Variants in ITGAM observed in about 807,000 individuals in gnomAD.
ITGAM encodes the protein integrin subunit alpha M.
ITGAM carries 79 observed loss-of-function variants against 137.5 expected under a neutral mutation model. The ratio of observed to expected loss-of-function variants is 0.57; its 90% CI spans 0.48 to 0.69. The LOEUF is 0.69. ITGAM is among the 30% of genes least tolerant of loss of function. ITGAM has a pLI of 0.00. For synonymous variants in ITGAM, 583 were observed against 592.3 expected (o/e 0.98, Z 0.23); for missense variants, 1,343 against 1,483.5 (o/e 0.91, Z 1.56).
At position 31,266,074 on chromosome 16, in the gene ITGAM, T is replaced by A. The variant is rs2079763573; in HGVS notation, c.354T>A (p.Tyr118Ter). 1 of 1,613,784 alleles carries A rather than the reference T, an allele frequency of 6.2e-7. No homozygotes were observed. Among genetic ancestry groups the A allele is most frequent in the African/African-American group, 1.3e-5 (1 of 74,892 alleles). Reference sequence around the variant, plus strand: ...ACCAGACTTGCAGTGAGAACACGTATGTGAAAGGGCTCTGCTTCCTGTTTG... The same window carrying A: ...ACCAGACTTGCAGTGAGAACACGTAAGTGAAAGGGCTCTGCTTCCTGTTTG... ...TVHQTCSENT[Y>*]VKGLCFLFGS... Residue 118 changes from tyrosine to a stop codon, truncating the protein, a stop_gained, in exon 5 of 30, where the codon TAT (tyrosine) becomes TAA (stop). Transcript: ENST00000544665. LOFTEE classifies it high-confidence loss of function.
chr16:31,332,012 C>T lies in ITGAM; in HGVS notation c.*305C>T, dbSNP rs938536857. ...GTGTGTGCAAGTGTGTGCATGTGTGCGAGTGTGTGCATGTGTGTGCTCAGG... is the reference window on the plus strand; with the variant it reads ...GTGTGTGCAAGTGTGTGCATGTGTGTGAGTGTGTGCATGTGTGTGCTCAGG... On this transcript the variant is annotated 3_prime_UTR_variant, in exon 30 of 30. Transcript: ENST00000544665. The T allele has an allele frequency of 1.9e-5, 8 of 413,778 alleles. No homozygotes were observed. The South Asian group carries it at 2.1e-4, about 11-fold the overall frequency. The allele number at this position is 413,778 out of a possible 1,614,324, so 25.6% of individuals were successfully genotyped here. A position where few individuals can be genotyped will look rare whatever the true frequency, so the allele number is the denominator to read the frequency against.
chr16:31,292,096 C>T (rs1164281755), intron 12 of ITGAM, among the ~76,000 whole-genome samples: 1 of 151,598 alleles, frequency 6.6e-6, no homozygotes. Context: ...AGGTAAAAAT[C>T]CTAGAAGTAT....
rs2079682289 is a variant in ITGAM, at chr16:31,260,103, G to A, written c.28+11G>A. ...TCCTTCTGTTAACAGGTGCATGGGG[G>A]TGGGGTGGGGGACTCTGGGTGGGGA... On this transcript the variant is annotated intron_variant, in intron 1 of 29. Coordinates refer to ENST00000544665, the MANE Select transcript of ITGAM (RefSeq NM_000632.4). 3 of 1,551,966 alleles carry A rather than the reference G, an allele frequency of 1.9e-6. No individual in the cohort carries two copies. Among genetic ancestry groups the A allele is most frequent in the Non-Finnish European group, 1.8e-6 (2 of 1,140,672 alleles).
At position 31,325,256 on chromosome 16, in the gene ITGAM, C is replaced by G. The variant is rs1389312969; in HGVS notation, c.2364-7C>G. The G allele has an allele frequency of 6.2e-7, 1 of 1,607,358 alleles. No homozygotes were observed. ...CCATCCCCCGGCCTGTCTTCTTCTT[C>G]CCACAGCCTGGACTGCCTCGTGGTG... On this transcript the variant is annotated splice_region_variant and splice_polypyrimidine_tract_variant and intron_variant, in intron 19 of 29. Coordinates refer to ENST00000544665, the MANE Select transcript of ITGAM (RefSeq NM_000632.4).
At position 31,330,667 on chromosome 16, in the gene ITGAM, T is replaced by TG. The variant is rs1200830933; in HGVS notation, c.3276+67dup. 5 of 1,207,110 alleles carry TG rather than the reference T, an allele frequency of 4.1e-6. No homozygotes were observed. In the East Asian group the frequency reaches 1.3e-4, roughly 30 times the overall value. The allele number at this position is 1,207,110 out of a possible 1,614,324, so 74.8% of individuals were successfully genotyped here. A position where few individuals can be genotyped will look rare whatever the true frequency, so the allele number is the denominator to read the frequency against. On this transcript the variant is annotated intron_variant, in intron 28 of 29. Coordinates refer to ENST00000544665, the MANE Select transcript of ITGAM (RefSeq NM_000632.4). ...GAGGGGCTGCGCTTGTGGAGATTTC[T>TG]GGGGGAGGAGAGAGAGACACAAAGA...
chr16:31,277,976 C>T lies in ITGAM; in HGVS notation c.1223C>T (p.Ala408Val), dbSNP rs1307099218. The T allele has an allele frequency of 1.3e-6, 2 of 1,596,296 alleles. No individual in the cohort carries two copies. The highest frequency in any genetic ancestry group is 1.3e-5 in the African/African-American group (1 of 74,534). The change falls in exon 12 of 30, where the codon GCC (alanine) becomes GTC (valine). Residue 408 changes from alanine to valine, a missense_variant. Ala to Val is a moderately conservative substitution (Grantham distance 64). Coordinates refer to ENST00000544665, the MANE Select transcript of ITGAM (RefSeq NM_000632.4). ...DMNDAYLGYA[A>V]AIILRNRVQS... ...AGACCCCCACCTTCAGGTTATGCTG[C>T]CGCCATCATCTTACGGAACCGGGTG...
chr16:31,289,472 G>A (rs1378316224), intron 12 of ITGAM, among the ~76,000 whole-genome samples: 2 of 152,092 alleles, frequency 1.3e-5, no homozygotes, highest in Non-Finnish European at 2.9e-5. Context: ...GGATGAAGCT[G>A]GAAACCATCA....
At chr16:31,329,073 T>TTCCCCCTCCCCCCCCACCCCCCCCC in intron 23 of ITGAM, 155 bp from the exon 24 acceptor site, 1 of 426,236 alleles carries the variant, frequency 2.3e-6, no homozygotes, top group Non-Finnish European at 4.5e-6. Context: ...ACACATTGGT[T>TTCCCCCTCCCCCCCCACCCCCCCCC]CCCCCATCCC....
chr16:31,269,129 A>G lies in ITGAM; in HGVS notation c.428-1825A>G, dbSNP rs373757151. ...GTGCTGATTGATCAGGGATGAAATC[A>G]TCGGGAGTCGGAGCTGTCTTCTTGC... On this transcript the variant is annotated intron_variant, in intron 5 of 29. Transcript: ENST00000544665. Among the ~76,000 whole-genome samples the G allele has an allele frequency of 1.8e-4, 28 of 152,300 alleles. No homozygotes were observed. In the East Asian group the frequency reaches 5.0e-3, roughly 27 times the overall value.
Position 31,329,806 on chromosome 16 carries a change from CCT to C in ITGAM, c.2878_2879del (p.Leu960GlyfsTer53). On this transcript the variant is annotated frameshift_variant, in exon 25 of 30. Transcript: ENST00000544665. LOFTEE classifies it high-confidence loss of function. ...CGCCCTCCCCGGTGCAGGTCAGCAA[CCT>C]GGGGCAGAGGAGCCTCCCCATCAGC... The part of the protein sequence containing the change: ...VMQHQYQVSN[L>X]GQRSLPISLV... 3 of 1,555,020 alleles carry C rather than the reference CCT, an allele frequency of 1.9e-6. No homozygotes were observed. The highest frequency in any genetic ancestry group is 1.7e-6 in the Non-Finnish European group (2 of 1,149,190).
At chr16:31,270,699 G>GTATGTATA (rs2079823842) in intron 5 of ITGAM, among the ~76,000 whole-genome samples, 1 of 25,998 alleles carries the variant, frequency 3.8e-5, no homozygotes, top group Non-Finnish European at 7.8e-5. Flanking sequence ...GTGTGTGTGT[G>GTATGTATA]TATATATATA....
rs1265875459 is a variant in ITGAM at position 31,265,824 on chromosome 16, C to T, written c.252C>T (p.Ala84=). The T allele has an allele frequency of 3.2e-5, 52 of 1,613,844 alleles. No individual in the cohort carries two copies. The highest frequency in any genetic ancestry group is 1.7e-4 in the Middle Eastern group (1 of 6,054). The stretch of plus-strand genomic sequence containing the variant: ...CTGTCCCCGCAGTCCCCGTGGAGGC[C>T]GTGAACATGTCCCTGGGCCTGTCCC... ...EPIRLQVPVE[A]VNMSLGLSLA... The change falls in exon 4 of 30, where the codon GCC becomes GCT. Residue 84 remains alanine (A), a synonymous_variant. Coordinates refer to ENST00000544665, the MANE Select transcript of ITGAM (RefSeq NM_000632.4).
At chr16:31,327,073 C>T in intron 22 of ITGAM, 138 bp downstream of exon 22, 3 of 746,634 alleles carry the variant, frequency 4.0e-6, no homozygotes, top group Admixed American at 1.8e-5. Flanking sequence ...CACTGACCAC[C>T]CACCACGTGC....
chr16:31,331,466 C>G, intron 29 of ITGAM, 170 bp from the exon 30 acceptor site: 1 of 582,560 alleles, frequency 1.7e-6, no homozygotes, highest in Admixed American at 3.0e-5. Flanking sequence ...GAGTCGCCCT[C>G]CTTGTAGTTT....
At chr16:31,289,682 C>T (rs1267204555) in intron 12 of ITGAM, among the ~76,000 whole-genome samples, 3 of 152,142 alleles carry the variant, frequency 2.0e-5, no homozygotes, top group Non-Finnish European at 1.5e-5. Flanking sequence ...ATGCAGCACA[C>T]CAACATGACA....
intron 14 of ITGAM, among the ~76,000 whole-genome samples, chr16:31,310,078 G>T (rs1301460593): frequency 6.6e-6 from 1 of 150,882 alleles, no homozygotes; most frequent in Non-Finnish European, 1.5e-5. Context: ...CCAGTCTGAT[G>T]GGCTTCCCTT....
intron 12 of ITGAM, among the ~76,000 whole-genome samples, chr16:31,281,313 C>A (rs1354879711): frequency 1.3e-5 from 2 of 152,138 alleles, no homozygotes; most frequent in Non-Finnish European, 1.5e-5. Context: ...CCTCCTTGTA[C>A]CTCTGGTAGA....
intron 14 of ITGAM, among the ~76,000 whole-genome samples, chr16:31,312,873 CTTTT>C (rs58746448): frequency 7.3e-6 from 1 of 137,492 alleles, no homozygotes; most frequent in Non-Finnish European, 1.6e-5. Flanking sequence ...AGGGAGCAGT[CTTTT>C]TTTTTTTTTT....
At chr16:31,308,044 G>A (rs371567982) in intron 14 of ITGAM, among the ~76,000 whole-genome samples, 2 of 152,150 alleles carry the variant, frequency 1.3e-5, no homozygotes, top group African/African-American at 4.8e-5. Context: ...GCTGGATTCG[G>A]TTTGCCAGTA....
Sources: gnomAD v4.1 joint callset for allele counts (sites outside exome capture counted in the v4.1 genomes callset) on GRCh38, gnomAD v4.1.1 for gene constraint, MANE v1.5 for transcripts, NCBI Gene and HGNC (gene_info 2026-07-23, HGNC 2026-07-21) for gene names.